Variants in NEB observed in about 807,000 individuals in gnomAD.
NEB encodes the protein nemaline myopathy type 2.
In NEB, 512 loss-of-function variants were observed where a neutral mutation model predicts 952.2. The observed-to-expected ratio is 0.54, with a 90% confidence interval of 0.50 to 0.58. The LOEUF (loss-of-function observed/expected upper bound fraction) is 0.58. Ranked by LOEUF, NEB falls within the 20% of genes least tolerant of loss-of-function variation. The pLI is 0.00. For synonymous variants in NEB, 2,900 were observed against 3,149.8 expected (o/e 0.92, Z 2.66); for missense variants, 8,428 against 9,231.1 (o/e 0.91, Z 3.56).
intron 167 of NEB, among the ~76,000 whole-genome samples, chr2:151,502,149 G>A (rs1307277996): frequency 6.6e-6 from 1 of 152,146 alleles, no homozygotes; most frequent in Non-Finnish European, 1.5e-5. Flanking sequence ...TGTTCTCACT[G>A]ATATGTGGGA....
At chr2:151,635,907 GC>G (rs1469336320) in intron 64 of NEB, among the ~76,000 whole-genome samples, 3 of 152,110 alleles carry the variant, frequency 2.0e-5, no homozygotes, top group Non-Finnish European at 4.4e-5. Context: ...TCTTCTATAA[GC>G]TTTTCTATAA....
At position 151,562,568 on chromosome 2, in the gene NEB, A is replaced by C. The variant is rs746392211; in HGVS notation, c.18891+43T>G. 5 of 1,495,904 alleles carry C rather than the reference A, an allele frequency of 3.3e-6. No individual in the cohort carries two copies. The Admixed American group carries it at 9.8e-5, about 29-fold the overall frequency. 92.7% of individuals were successfully genotyped at this position (1,495,904 alleles called of 1,614,324 possible). ...GTTGGGGGGTAGCCAAGACACAGTC[A>C]TGGAAGCTGTAGCTGAGTCAAGCTG... is the stretch of plus-strand genomic sequence containing the variant. On this transcript the variant is annotated intron_variant, in intron 120 of 181. Coordinates refer to ENST00000397345, the MANE Select transcript of NEB (RefSeq NM_001164508.2).
At chr2:151,566,747 A>C (rs1228304517) in intron 114 of NEB, among the ~76,000 whole-genome samples, 1 of 152,162 alleles carries the variant, frequency 6.6e-6, no homozygotes, top group Admixed American at 6.5e-5. Flanking sequence ...TGCCGTGAGG[A>C]ATGAGATGCT....
intron 170 of NEB, 192 bp from the exon 171 acceptor site, chr2:151,497,910 C>G: frequency 6.8e-7 from 1 of 1,474,066 alleles, no homozygotes. Context: ...GCAGGGACTT[C>G]AGCTGCTGAG....
At chr2:151,544,827 T>A (rs149429136) in intron 135 of NEB, among the ~76,000 whole-genome samples, 1 of 152,214 alleles carries the variant, frequency 6.6e-6, no homozygotes, top group African/African-American at 2.4e-5. Flanking sequence ...TGGAAGCCAA[T>A]GCTCAGCTGG....
At chr2:151,610,682 A>T in intron 79 of NEB, 59 bp from the exon 80 acceptor site, 5 of 1,576,878 alleles carry the variant, frequency 3.2e-6, no homozygotes, top group Admixed American at 1.7e-5. Flanking sequence ...TAATAGGCCA[A>T]TTCCAGAAAG....
intron 64 of NEB, 31 bp downstream of exon 64, chr2:151,636,196 T>A: frequency 6.5e-7 from 1 of 1,547,718 alleles, no homozygotes. Context: ...ATTAGATTGA[T>A]CACATACTCA....
intron 36 of NEB, among the ~76,000 whole-genome samples, chr2:151,674,128 T>C (rs554825950): frequency 2.0e-5 from 3 of 152,198 alleles, no homozygotes; most frequent in Non-Finnish European, 2.9e-5. Flanking sequence ...ATCTTTTTAA[T>C]ACAATTATAA....
chr2:151,511,581 C>T (rs756758730), intron 161 of NEB, among the ~76,000 whole-genome samples: 1 of 152,212 alleles, frequency 6.6e-6, no homozygotes, highest in African/African-American at 2.4e-5. Flanking sequence ...ACAGCTAGGG[C>T]ACGTTAACTA....
At position 151,691,992 on chromosome 2, in the gene NEB, A is replaced by T. The variant is rs555690038; in HGVS notation, c.2107-24T>A. 3 of 1,609,012 alleles carry T rather than the reference A, an allele frequency of 1.9e-6. No individual in the cohort carries two copies. The South Asian group carries it at 3.3e-5, about 18-fold the overall frequency. ...TTCTATAATGAGAAAAACCAAAAATAGATCATGATTGTTATGGCTCTCAAA... is the reference window on the plus strand; with the variant it reads ...TTCTATAATGAGAAAAACCAAAAATTGATCATGATTGTTATGGCTCTCAAA... On this transcript the variant is annotated intron_variant, in intron 22 of 181. Transcript: ENST00000397345.
chr2:151,664,020 C>T (rs2099176502), intron 44 of NEB, among the ~76,000 whole-genome samples, 161 bp from the exon 45 acceptor site: 1 of 17,184 alleles, frequency 5.8e-5, no homozygotes, highest in Non-Finnish European at 3.8e-4. Flanking sequence ...CTTTTTACTT[C>T]ATTTTTTTTT....
At chr2:151,595,273 G>A (rs1368061788) in intron 92 of NEB, among the ~76,000 whole-genome samples, 10 of 146,470 alleles carry the variant, frequency 6.8e-5, no homozygotes, top group East Asian at 4.2e-4. Flanking sequence ...TTTTTGAAAC[G>A]CAGTTTCAGT....
At chr2:151,648,452 T>A (rs1457591198) in intron 54 of NEB, among the ~76,000 whole-genome samples, 2 of 152,172 alleles carry the variant, frequency 1.3e-5, no homozygotes, top group Non-Finnish European at 2.9e-5. Context: ...TTTAAAAAAT[T>A]TTTTTATTTC....
At chr2:151,680,372 AT>A (rs5835376) in intron 30 of NEB, among the ~76,000 whole-genome samples, 139,946 of 145,902 alleles carry the variant, frequency 0.96, 67,206 homozygotes, top group East Asian at 1. Flanking sequence ...ATTATATATG[AT>A]TTTTTTTTTT....
intron 13 of NEB, among the ~76,000 whole-genome samples, chr2:151,698,122 C>T (rs976327675): frequency 6.6e-6 from 1 of 152,120 alleles, no homozygotes; most frequent in Non-Finnish European, 1.5e-5. Context: ...GACAATCGAA[C>T]ACGGAATGTC....
intron 159 of NEB, 124 bp from the exon 160 acceptor site, chr2:151,513,817 A>G (rs2076115914): frequency 2.9e-6 from 2 of 694,224 alleles, no homozygotes; most frequent in South Asian, 1.8e-5. Flanking sequence ...GTCGCTTGCT[A>G]CTCTTCACCT....
At chr2:151,497,172 G>A (rs1248603907) in intron 171 of NEB, 139 bp from the exon 172 acceptor site, 4 of 1,275,052 alleles carry the variant, frequency 3.1e-6, no homozygotes, top group Non-Finnish European at 4.3e-6. Context: ...CTGACAAAAT[G>A]CCACCGACTA....
At chr2:151,508,844 G>A (rs947719781) in intron 161 of NEB, among the ~76,000 whole-genome samples, 1 of 152,254 alleles carries the variant, frequency 6.6e-6, no homozygotes, top group African/African-American at 2.4e-5. Context: ...TATAGAGGCT[G>A]CTCTTCCAGA....
rs539099291 is a variant in NEB, at chr2:151,609,820, G to T, written c.12319C>A (p.Leu4107Met). 6.3e-7 allele frequency: 1 copy of T among 1,588,172 alleles called. No individual in the cohort carries two copies. Among genetic ancestry groups the T allele is most frequent in the South Asian group, 1.2e-5 (1 of 85,984 alleles). Residue 4107 changes from leucine (L) to methionine (M), a missense_variant, in exon 81 of 182, where the codon CTG becomes ATG. Leu to Met is a conservative substitution (Grantham distance 15). Transcript: ENST00000397345. ...DIIQAKKAYD[L>M]QSDSVYKADL... ...TTCATGTTACGTACATCACTCTGCA[G>T]GTCATAGGCCTTTTTTGCTTGGATA... is the stretch of plus-strand genomic sequence containing the variant.
Sources: gnomAD v4.1 joint callset for allele counts (sites outside exome capture counted in the v4.1 genomes callset) on GRCh38, gnomAD v4.1.1 for gene constraint, MANE v1.5 for transcripts, NCBI Gene and HGNC (gene_info 2026-07-23, HGNC 2026-07-21) for gene names.